The following RBM17 variants were observed in gnomAD, a reference collection of about 807,000 sequenced individuals.
The protein encoded by RBM17 is splicing factor 45.
A neutral mutation model predicts 53.2 loss-of-function variants in RBM17; 7 were observed. The observed-to-expected ratio is 0.13, with a 90% CI of 0.07 to 0.25. The LOEUF (loss-of-function observed/expected upper bound fraction) is 0.25, where lower values mean the gene tolerates loss of function less well. RBM17 is among the 10% of genes least tolerant of loss of function. The pLI, the probability that RBM17 is intolerant of heterozygous loss-of-function variation, is 1.00. For missense variants in RBM17, 257 were observed against 496.7 expected (o/e 0.52, Z 4.59); for synonymous variants, 167 against 178.1 (o/e 0.94, Z 0.50).
chr10:6,113,304 A>G (rs1448632307), intron 8 of RBM17: 2 of 452,368 alleles, frequency 4.4e-6, no homozygotes, highest in Non-Finnish European at 7.9e-6. Flanking sequence ...TATTGTAAAA[A>G]CATGCCAAAG....
rs369146616 is a variant in RBM17, at chr10:6,101,363, A to G, written c.216A>G (p.Pro72=). The G allele has an allele frequency of 6.8e-6, 11 of 1,612,754 alleles. No homozygotes were observed. Among genetic ancestry groups the G allele is most frequent in the Non-Finnish European group, 9.3e-6 (11 of 1,179,516 alleles). The stretch of plus-strand genomic sequence containing the variant: ...ATGACCGGCAAATTGTGGACACTCC[A>G]CCGCATGTAGCAGCTGGGCTGAAGG... The part of the protein sequence containing the change: ...SSDDRQIVDT[P]PHVAAGLKDP... Residue 72 remains proline, a synonymous_variant, in exon 3 of 12, where the codon CCA becomes CCG. Transcript: ENST00000379888.
Position 6,106,253 on chromosome 10 carries a change from AAT to A in RBM17, c.505+18_505+19del. On this transcript the variant is annotated intron_variant, in intron 5 of 11. Coordinates refer to ENST00000379888, the MANE Select transcript of RBM17 (RefSeq NM_032905.5). ...GAGGAAAAGAAGTAAGGCATGAACA[AAT>A]ATGTCTTAAACATATATAAATACTG... 2.6e-6 allele frequency: 4 copies of A among 1,518,468 alleles called. No individual in the cohort carries two copies. The highest frequency in any genetic ancestry group is 3.7e-6 in the Non-Finnish European group (4 of 1,094,628). The allele number at this position is 1,518,468 out of a possible 1,614,324, so 94.1% of individuals were successfully genotyped here.
intron 1 of RBM17, 124 bp from the exon 2 acceptor site, chr10:6,096,924 C>T (rs1840586010): frequency 2.8e-6 from 2 of 721,578 alleles, no homozygotes; most frequent in South Asian, 3.8e-5. Context: ...GTACCAGGAG[C>T]CTGGGCCTCT....
rs193080347 is a variant in RBM17, at chr10:6,089,678, T to C, written c.-19+485T>C. ...GTTGGCGTTTCTCAGACTCCGGAGCTGCCCGGGACAGGAATGCAGCCCTAA... is the reference window on the plus strand; with the variant it reads ...GTTGGCGTTTCTCAGACTCCGGAGCCGCCCGGGACAGGAATGCAGCCCTAA... On this transcript the variant is annotated intron_variant, in intron 1 of 11. Coordinates refer to ENST00000379888, the MANE Select transcript of RBM17 (RefSeq NM_032905.5). The surrounding 1 kb of genome is among the most constrained non-coding windows in gnomAD (Gnocchi z 5.6). 2.8e-3 allele frequency: 427 copies of C among 152,528 alleles called. 4 individuals carry two copies. The highest frequency in any genetic ancestry group is 0.015 in the East Asian group (78 of 5,326). 9.4% of individuals were successfully genotyped at this position (152,528 alleles called of 1,614,324 possible). A position where few individuals can be genotyped will look rare whatever the true frequency, so the allele number is the denominator to read the frequency against.
intron 7 of RBM17, among the ~76,000 whole-genome samples, chr10:6,110,599 A>C (rs954785004): frequency 1.3e-5 from 2 of 152,166 alleles, no homozygotes; most frequent in African/African-American, 4.8e-5. Context: ...ATTTGACTGT[A>C]AGGCTGACGC....
chr10:6,104,388 G>T (rs1840715822), intron 3 of RBM17, among the ~76,000 whole-genome samples: 1 of 152,198 alleles, frequency 6.6e-6, no homozygotes, highest in Non-Finnish European at 1.5e-5. Context: ...CAAACTCAGT[G>T]CCTGAAATGC....
At chr10:6,091,430 A>T (rs1840483021) in intron 1 of RBM17, among the ~76,000 whole-genome samples, 1 of 152,166 alleles carries the variant, frequency 6.6e-6, no homozygotes, top group South Asian at 2.1e-4. Flanking sequence ...TAGTGATAGA[A>T]ATATTTCTTG....
chr10:6,101,362 C>T lies in RBM17; in HGVS notation c.215C>T (p.Pro72Leu), dbSNP rs773621306. ...GATGACCGGCAAATTGTGGACACTC[C>T]ACCGCATGTAGCAGCTGGGCTGAAG... The part of the protein sequence containing the change: ...SSDDRQIVDT[P>L]PHVAAGLKDP... The change falls in exon 3 of 12, where the codon CCA (proline) becomes CTA (leucine). Residue 72 changes from proline (P) to leucine (L), a missense_variant. Physicochemically the swap from Pro to Leu is moderately conservative, Grantham distance 98 (BLOSUM62 -3). Around this residue, in one of 6 missense-constraint regions of RBM17, gnomAD observed 127 missense variants for 217.2 expected, o/e 0.58. Coordinates refer to ENST00000379888, the MANE Select transcript of RBM17 (RefSeq NM_032905.5). 1 of 1,612,864 alleles carries T rather than the reference C, an allele frequency of 6.2e-7. No homozygotes were observed. Among genetic ancestry groups the T allele is most frequent in the Non-Finnish European group, 8.5e-7 (1 of 1,179,470 alleles).
chr10:6,114,362 C>T, intron 10 of RBM17: 1 of 416,974 alleles, frequency 2.4e-6, no homozygotes. Flanking sequence ...AGGAATGCTT[C>T]ATGATTGAGG....
Position 6,109,966 on chromosome 10 carries a change from A to T in RBM17, c.563-20A>T, listed in dbSNP as rs754288998. The T allele has an allele frequency of 6.3e-7, 1 of 1,590,066 alleles. No homozygotes were observed. Among genetic ancestry groups the T allele is most frequent in the Non-Finnish European group, 8.6e-7 (1 of 1,167,480 alleles). On this transcript the variant is annotated intron_variant, in intron 6 of 11. Coordinates refer to ENST00000379888, the MANE Select transcript of RBM17 (RefSeq NM_032905.5). ...TTTTCTATAGTATTTTGGTGAGCCT[A>T]CTTTATTTTTCTCCAATAGTACCCC...
At chr10:6,101,527 CT>C in intron 3 of RBM17, 140 bp downstream of exon 3, 1 of 444,242 alleles carries the variant, frequency 2.3e-6, no homozygotes, top group Middle Eastern at 3.7e-4. Context: ...CTAATTTTTA[CT>C]TCTGTTTTGC....
chr10:6,110,238 T>A, intron 7 of RBM17, 111 bp downstream of exon 7: 2 of 959,252 alleles, frequency 2.1e-6, no homozygotes, highest in South Asian at 2.4e-5. Context: ...ACCCTTGGTG[T>A]GTGCAGGTCA....
intron 1 of RBM17, among the ~76,000 whole-genome samples, chr10:6,094,868 A>G (rs1252903491): frequency 6.6e-6 from 1 of 152,182 alleles, no homozygotes; most frequent in Non-Finnish European, 1.5e-5. Context: ...AATGGAGTAT[A>G]AACTGCAGTT....
intron 1 of RBM17, 181 bp from the exon 2 acceptor site, chr10:6,096,867 T>A: frequency 2.5e-6 from 1 of 397,986 alleles, no homozygotes; most frequent in East Asian, 4.5e-5. Flanking sequence ...ATTTTAAAAA[T>A]AATCCATGGT....
intron 1 of RBM17, among the ~76,000 whole-genome samples, chr10:6,091,027 A>ATTTT (rs1452098565): frequency 6.2e-5 from 8 of 129,696 alleles, no homozygotes; most frequent in South Asian, 5.2e-4. Flanking sequence ...ATATTTATAT[A>ATTTT]TATTTATATA....
At chr10:6,102,482 G>C (rs939457855) in intron 3 of RBM17, among the ~76,000 whole-genome samples, 1 of 152,164 alleles carries the variant, frequency 6.6e-6, no homozygotes, top group African/African-American at 2.4e-5. Context: ...AGCACCACAT[G>C]GTGGAGGTGT....
chr10:6,107,479 C>CTTTTTTTTTTTTTTTTT lies in RBM17; in HGVS notation c.506-1202_506-1186dup, dbSNP rs71390124. On this transcript the variant is annotated intron_variant, in intron 5 of 11. Coordinates refer to ENST00000379888, the MANE Select transcript of RBM17 (RefSeq NM_032905.5). Reference sequence around the variant, plus strand: ...AGGTATGAGCCACTGCACCCGGCCTCTTTTTTTTTTTTTTTTTTTTTGGAG... The same window carrying CTTTTTTTTTTTTTTTTT: ...AGGTATGAGCCACTGCACCCGGCCTCTTTTTTTTTTTTTTTTTTTTTTTTTTTTTTTTTTTTTTGGAG... 7.6e-4 allele frequency among the ~76,000 whole-genome samples: 43 copies of CTTTTTTTTTTTTTTTTT among 56,598 alleles called. 6 individuals carry two copies. Among genetic ancestry groups the CTTTTTTTTTTTTTTTTT allele is most frequent in the East Asian group, 2.2e-3 (4 of 1,830 alleles). 37.1% of individuals were successfully genotyped at this position (56,598 alleles called of 152,430 possible).
At chr10:6,104,374 G>T (rs769343549) in intron 3 of RBM17, among the ~76,000 whole-genome samples, 26 of 152,168 alleles carry the variant, frequency 1.7e-4, no homozygotes, top group Non-Finnish European at 3.1e-4. Context: ...ACATCCCCTT[G>T]TGTCAAACTC....
At chr10:6,098,406 C>T (rs566380884) in intron 2 of RBM17, among the ~76,000 whole-genome samples, 1 of 152,184 alleles carries the variant, frequency 6.6e-6, no homozygotes, top group South Asian at 2.1e-4. Context: ...TTGGGATTTA[C>T]TTCTAAACAA....
Sources: gnomAD v4.1 joint callset for allele counts (sites outside exome capture counted in the v4.1 genomes callset) on GRCh38, gnomAD v4.1.1 for gene constraint, gnomAD v4.1.1 regional missense constraint, Gnocchi (gnomAD v3.1) non-coding constraint, MANE v1.5 for transcripts, NCBI Gene and HGNC (gene_info 2026-07-23, HGNC 2026-07-21) for gene names.